Variants in ABCB11 observed in about 807,000 individuals in gnomAD.
The protein encoded by ABCB11 is bile salt export pump.
Under a neutral mutation model 148.0 loss-of-function variants are expected in ABCB11, and 95 were observed. The ratio of observed to expected loss-of-function variants is 0.64; its 90% confidence interval spans 0.54 to 0.76. The LOEUF (loss-of-function observed/expected upper bound fraction) is 0.76. ABCB11 is among the 30% of genes least tolerant of loss of function. The pLI is 0.00. For missense variants in ABCB11, 1,523 were observed against 1,617.8 expected (o/e 0.94, Z 1.01); for synonymous variants, 591 against 555.4 (o/e 1.06, Z -0.90).
At chr2:168,954,097 A>C (rs868669915) in intron 19 of ABCB11, among the ~76,000 whole-genome samples, 1 of 151,626 alleles carries the variant, frequency 6.6e-6, no homozygotes, top group Non-Finnish European at 1.5e-5. Flanking sequence ...AACTTTCTAA[A>C]TTAACTGGGA....
intron 11 of ABCB11, among the ~76,000 whole-genome samples, chr2:168,979,476 T>G (rs1319684224): frequency 6.6e-6 from 1 of 152,084 alleles, no homozygotes. Flanking sequence ...TTGTCTTATC[T>G]TTGAATGTGC....
downstream of ABCB11, among the ~76,000 whole-genome samples, chr2:168,918,264 T>C (rs2105866893): frequency 6.6e-6 from 1 of 152,268 alleles, no homozygotes; most frequent in East Asian, 1.9e-4. Flanking sequence ...AAGTACCGAG[T>C]AAAGCACTGG....
intron 19 of ABCB11, among the ~76,000 whole-genome samples, chr2:168,948,966 G>C (rs1189167030): frequency 2.0e-5 from 3 of 151,604 alleles, no homozygotes; most frequent in Admixed American, 2.0e-4. Context: ...GAAAGAAATG[G>C]AGTAGGGAAC....
chr2:168,993,639 C>A (rs1038989956), intron 8 of ABCB11, 72 bp downstream of exon 8: 41 of 1,434,926 alleles, frequency 2.9e-5, no homozygotes, highest in Non-Finnish European at 3.9e-5. Context: ...AAAAGGGACT[C>A]AAGCTTCACA....
chr2:168,921,973 T>A lies in ABCB11; in HGVS notation c.*1649A>T, dbSNP rs374948131. Reference sequence around the variant, plus strand: ...ACGCCATTCTCCTGCCTCAGCCTCCTGAGTAGCTGGGACTACAGGCGCCCG... The same window carrying A: ...ACGCCATTCTCCTGCCTCAGCCTCCAGAGTAGCTGGGACTACAGGCGCCCG... On this transcript the variant is annotated 3_prime_UTR_variant, in exon 28 of 28. Coordinates refer to ENST00000650372, the MANE Select transcript of ABCB11 (RefSeq NM_003742.4). Among the ~76,000 whole-genome samples the A allele has an allele frequency of 2.4e-4, 36 of 150,934 alleles. No homozygotes were observed. The East Asian group carries it at 3.6e-3, about 15-fold the overall frequency.
chr2:168,990,479 C>T lies in ABCB11; in HGVS notation c.908+322G>A, dbSNP rs201350213. ...TCTCATGTAGGCTTTTCTTTAATGA[C>T]AGCAAACAGCATTATAGACTGATAT... On this transcript the variant is annotated intron_variant, in intron 9 of 27. Coordinates refer to ENST00000650372, the MANE Select transcript of ABCB11 (RefSeq NM_003742.4). Among the ~76,000 whole-genome samples, 3 of 152,112 alleles carry T rather than the reference C, an allele frequency of 2.0e-5. No homozygotes were observed. In the East Asian group the frequency reaches 5.8e-4, roughly 29 times the overall value.
chr2:168,974,969 GAT>G (rs1312974183), intron 12 of ABCB11, among the ~76,000 whole-genome samples: 1 of 146,156 alleles, frequency 6.8e-6, no homozygotes, highest in African/African-American at 2.5e-5. Context: ...GGTAAATAGA[GAT>G]ATACACTTAT....
Position 168,944,589 on chromosome 2 carries a change from C to G in ABCB11, c.2610+16G>C. On this transcript the variant is annotated intron_variant, in intron 21 of 27. Transcript: ENST00000650372. ...AATGCAGTTAATATACTTCTATTTCCCCTCCCATAGCTCACCCCTTGAACT... is the reference window on the plus strand; with the variant it reads ...AATGCAGTTAATATACTTCTATTTCGCCTCCCATAGCTCACCCCTTGAACT... 1 of 1,573,766 alleles carries G rather than the reference C, an allele frequency of 6.4e-7. No individual in the cohort carries two copies. Among genetic ancestry groups the G allele is most frequent in the Non-Finnish European group, 8.6e-7 (1 of 1,162,304 alleles).
rs1369546786 is a variant in ABCB11, at chr2:168,975,330, T to C, written c.1308+1247A>G. 7.3e-5 allele frequency among the ~76,000 whole-genome samples: 5 copies of C among 68,378 alleles called. 1 individual carries two copies. Among genetic ancestry groups the C allele is most frequent in the African/African-American group, 2.5e-4 (4 of 15,946 alleles). The allele number at this position is 68,378 out of a possible 152,430, so 44.9% of individuals were successfully genotyped here. On this transcript the variant is annotated intron_variant, in intron 12 of 27. Transcript: ENST00000650372. ...AAATATTTATAGATAAATATATAAA[T>C]ATATAAATATTTTTATATTTATAGA...
intron 22 of ABCB11, among the ~76,000 whole-genome samples, 158 bp from the exon 23 acceptor site, chr2:168,935,583 C>T (rs971306484): frequency 1.3e-5 from 2 of 152,100 alleles, no homozygotes; most frequent in Admixed American, 6.5e-5. Context: ...GGAGATCAAC[C>T]CAACTGGACC....
At chr2:168,930,937 G>T in intron 24 of ABCB11, 75 bp from the exon 25 acceptor site, 1 of 1,331,542 alleles carries the variant, frequency 7.5e-7, no homozygotes, top group Non-Finnish European at 1.0e-6. Context: ...TAAATCTTGA[G>T]TTTAAAATCC....
chr2:168,954,073 A>G (rs1389264387), intron 19 of ABCB11, among the ~76,000 whole-genome samples: 1 of 151,628 alleles, frequency 6.6e-6, no homozygotes, highest in East Asian at 2.0e-4. Context: ...CACATCCTCA[A>G]CCTTGGCAAA....
At chr2:169,024,534 T>C (rs1211856920) in intron 1 of ABCB11, among the ~76,000 whole-genome samples, 1 of 152,240 alleles carries the variant, frequency 6.6e-6, no homozygotes, top group Non-Finnish European at 1.5e-5. Flanking sequence ...ATTAATGTCT[T>C]ACATTAGTAT....
At chr2:169,001,059 T>A (rs1365426996) in intron 5 of ABCB11, among the ~76,000 whole-genome samples, 1 of 152,186 alleles carries the variant, frequency 6.6e-6, no homozygotes, top group Non-Finnish European at 1.5e-5. Context: ...ACTAGTGCTG[T>A]CATTTTACCA....
At chr2:168,938,875 A>T (rs1691946139) in intron 21 of ABCB11, among the ~76,000 whole-genome samples, 1 of 152,098 alleles carries the variant, frequency 6.6e-6, no homozygotes, top group Admixed American at 6.6e-5. Context: ...CAAACAAAAC[A>T]TAGATACATA....
At chr2:168,940,350 A>G (rs1692005145) in intron 21 of ABCB11, among the ~76,000 whole-genome samples, 1 of 152,126 alleles carries the variant, frequency 6.6e-6, no homozygotes, top group Admixed American at 6.6e-5. Context: ...ACAAATAATA[A>G]GAAAGTGAAG....
At chr2:168,931,836 T>C (rs911035127) in intron 24 of ABCB11, among the ~76,000 whole-genome samples, 4 of 152,224 alleles carry the variant, frequency 2.6e-5, no homozygotes, top group African/African-American at 9.6e-5. Context: ...TAATTTACTT[T>C]ATTCCTTTGT....
intron 13 of ABCB11, 52 bp downstream of exon 13, chr2:168,973,663 C>T: frequency 1.3e-6 from 2 of 1,597,038 alleles, no homozygotes; most frequent in Non-Finnish European, 1.7e-6. Flanking sequence ...AATATACTGC[C>T]ATTTGCACTT....
chr2:168,951,083 T>G (rs1165679416), intron 19 of ABCB11, among the ~76,000 whole-genome samples: 1 of 151,732 alleles, frequency 6.6e-6, no homozygotes, highest in African/African-American at 2.4e-5. Context: ...ATAACTTGGT[T>G]TTAGGTATGT....
Sources: gnomAD v4.1 joint callset for allele counts (sites outside exome capture counted in the v4.1 genomes callset) on GRCh38, gnomAD v4.1.1 for gene constraint, MANE v1.5 for transcripts, NCBI Gene and HGNC (gene_info 2026-07-23, HGNC 2026-07-21) for gene names.